COL11A1: variants seen among roughly 807,000 people sequenced by gnomAD.
COL11A1 encodes the protein collagen type XI alpha 1 chain, also known as collagen alpha-1(XI) chain.
In COL11A1, 74 loss-of-function variants were observed where a neutral mutation model predicts 265.2. The observed-to-expected ratio is 0.28, with a 90% confidence interval of 0.23 to 0.34. COL11A1 has a LOEUF of 0.34. COL11A1 is among the 10% of genes least tolerant of loss of function. The probability of loss-of-function intolerance (pLI) is 1.00; values close to 1 mark genes in which losing one functional copy is unlikely to be tolerated. For missense variants in COL11A1, 2,165 were observed against 2,263.6 expected (o/e 0.96, Z 0.88); for synonymous variants, 816 against 727.6 (o/e 1.12, Z -1.96).
At chr1:102,941,439 C>G (rs1658713541) in intron 42 of COL11A1, among the ~76,000 whole-genome samples, 1 of 152,170 alleles carries the variant, frequency 6.6e-6, no homozygotes, top group African/African-American at 2.4e-5. Context: ...TACTTTTCCT[C>G]AGATAAAGAC....
At chr1:102,978,669 T>G (rs1361769282) in intron 35 of COL11A1, 39 bp downstream of exon 35, 1 of 1,600,868 alleles carries the variant, frequency 6.2e-7, no homozygotes, top group African/African-American at 1.3e-5. Context: ...GCAGAAATAC[T>G]AATTTTCATT....
At chr1:102,991,203 G>T (rs1188166412) in intron 28 of COL11A1, among the ~76,000 whole-genome samples, 2 of 151,978 alleles carry the variant, frequency 1.3e-5, no homozygotes, top group African/African-American at 4.8e-5. Context: ...AATAGGGAGG[G>T]TTTGATGGAG....
chr1:103,053,423 A>G (rs1478326463), intron 4 of COL11A1, among the ~76,000 whole-genome samples: 4 of 152,202 alleles, frequency 2.6e-5, no homozygotes, highest in Non-Finnish European at 5.9e-5. Flanking sequence ...AGGCTGTTGT[A>G]TAGTAAAGTA....
intron 1 of COL11A1, among the ~76,000 whole-genome samples, chr1:103,095,164 A>C (rs144497486): frequency 5.4e-4 from 82 of 152,236 alleles, no homozygotes; most frequent in African/African-American, 1.9e-3. Flanking sequence ...AATACTGCAT[A>C]AAATGGAATA....
In COL11A1 at chr1:102,990,870, T is replaced by C. The variant is rs199560121; in HGVS notation, c.2341-1299A>G. 1.2e-4 allele frequency among the ~76,000 whole-genome samples: 18 copies of C among 151,840 alleles called. No homozygotes were observed. The East Asian group carries it at 2.9e-3, about 25-fold the overall frequency. ...CAACATGGTGAAACCCTGTCTCTAC[T>C]AAAAATAGAAAAATTAGCCAGGCAT... is the stretch of plus-strand genomic sequence containing the variant. On this transcript the variant is annotated intron_variant, in intron 28 of 66. Coordinates refer to ENST00000370096, the MANE Select transcript of COL11A1 (RefSeq NM_001854.4).
intron 54 of COL11A1, among the ~76,000 whole-genome samples, chr1:102,899,324 A>C (rs1652878419): frequency 6.6e-6 from 1 of 152,142 alleles, no homozygotes; most frequent in Admixed American, 6.5e-5. Flanking sequence ...ATTTATGTTT[A>C]TTATTAGAAA....
intron 53 of COL11A1, among the ~76,000 whole-genome samples, chr1:102,912,762 T>C (rs1047681477): frequency 9.2e-5 from 14 of 152,094 alleles, no homozygotes; most frequent in Non-Finnish European, 2.1e-4. Flanking sequence ...GTTACTCACA[T>C]TCTGTTCTTG....
intron 41 of COL11A1, among the ~76,000 whole-genome samples, chr1:102,948,113 T>C (rs1213311936): frequency 6.6e-6 from 1 of 152,052 alleles, no homozygotes; most frequent in Non-Finnish European, 1.5e-5. Context: ...TTTACATTAT[T>C]GACTTTGTTC....
intron 14 of COL11A1, 100 bp from the exon 15 acceptor site, chr1:103,008,616 A>G: frequency 3.0e-6 from 3 of 989,670 alleles, no homozygotes; most frequent in South Asian, 1.3e-5. Context: ...TATTCAAAAT[A>G]TATTTAATCA....
At chr1:103,073,621 T>C (rs1353901072) in intron 4 of COL11A1, among the ~76,000 whole-genome samples, 1 of 151,840 alleles carries the variant, frequency 6.6e-6, no homozygotes, top group East Asian at 1.9e-4. Context: ...TCAGAAACGA[T>C]AGCATCTCAA....
chr1:103,027,850 T>C (rs530124603), intron 5 of COL11A1, among the ~76,000 whole-genome samples: 188 of 152,226 alleles, frequency 1.2e-3, no homozygotes, highest in African/African-American at 4.3e-3. Flanking sequence ...GTAGTCAATT[T>C]TATATCATTT....
intron 8 of COL11A1, among the ~76,000 whole-genome samples, chr1:103,022,007 T>A (rs1667125994): frequency 9.7e-6 from 1 of 103,414 alleles, no homozygotes; most frequent in South Asian, 5.0e-4. Flanking sequence ...CCACCACACC[T>A]AGCTAATTTT....
intron 54 of COL11A1, among the ~76,000 whole-genome samples, chr1:102,907,939 T>C (rs1654186553): frequency 6.6e-6 from 1 of 152,092 alleles, no homozygotes; most frequent in Admixed American, 6.5e-5. Context: ...AATTACCAGA[T>C]GACAGAAAAA....
intron 34 of COL11A1, 21 bp downstream of exon 34, chr1:102,978,839 C>G: frequency 6.2e-7 from 1 of 1,614,094 alleles, no homozygotes. Context: ...AACATCCAAA[C>G]AGAAAAAGTA....
At chr1:102,963,246 G>T (rs1661090586) in intron 38 of COL11A1, among the ~76,000 whole-genome samples, 1 of 152,116 alleles carries the variant, frequency 6.6e-6, no homozygotes, top group Non-Finnish European at 1.5e-5. Context: ...AATTTCCATG[G>T]ACTGAAAATT....
chr1:103,037,033 T>C (rs1571113284), intron 4 of COL11A1, among the ~76,000 whole-genome samples: 1 of 151,826 alleles, frequency 6.6e-6, no homozygotes, highest in Admixed American at 6.6e-5. Context: ...ATTTTTTTTA[T>C]CAAAATCAAA....
chr1:103,029,850 G>A lies in COL11A1; in HGVS notation c.780+1266C>T, dbSNP rs1667834810. ...CCTGACATAATAGCATTACAACATG[G>A]GAACAAAACACCTCAAAGTGATATA... On this transcript the variant is annotated intron_variant, in intron 5 of 66. Transcript: ENST00000370096. Among the ~76,000 whole-genome samples, 2 of 151,826 alleles carry A rather than the reference G, an allele frequency of 1.3e-5. 1 individual carries two copies. The highest frequency in any genetic ancestry group is 3.9e-4 in the East Asian group (2 of 5,188).
At chr1:102,985,994 A>G (rs1400585040) in intron 30 of COL11A1, among the ~76,000 whole-genome samples, 2 of 152,140 alleles carry the variant, frequency 1.3e-5, no homozygotes, top group African/African-American at 4.8e-5. Flanking sequence ...GTCACATTAG[A>G]TGATTCATAA....
intron 1 of COL11A1, among the ~76,000 whole-genome samples, chr1:103,092,734 T>C (rs189554136): frequency 1.3e-5 from 2 of 152,280 alleles, no homozygotes; most frequent in East Asian, 3.9e-4. Flanking sequence ...CTCTCATGTT[T>C]CTTGTGTGCT....
Sources: gnomAD v4.1 joint callset for allele counts (sites outside exome capture counted in the v4.1 genomes callset) on GRCh38, gnomAD v4.1.1 for gene constraint, MANE v1.5 for transcripts, NCBI Gene and HGNC (gene_info 2026-07-23, HGNC 2026-07-21) for gene names.